Variants in NRXN3 observed in about 807,000 individuals in gnomAD.
NRXN3 encodes the protein neurexin 3, also known as neurexin III.
Under a neutral mutation model 137.6 loss-of-function variants are expected in NRXN3, and 32 were observed. The observed-to-expected ratio is 0.23, with a 90% CI of 0.18 to 0.31. The LOEUF (loss-of-function observed/expected upper bound fraction) is 0.31, where lower values mean the gene tolerates loss of function less well. NRXN3 is among the 10% of genes least tolerant of loss of function. The pLI, the probability that NRXN3 is intolerant of heterozygous loss-of-function variation, is 1.00. For missense variants in NRXN3, 1,574 were observed against 2,062.5 expected (o/e 0.76, Z 4.59); for synonymous variants, 798 against 784.5 (o/e 1.02, Z -0.29).
chr14:79,290,761 TC>T (rs1264925321), intron 15 of NRXN3, among the ~76,000 whole-genome samples: 1 of 152,066 alleles, frequency 6.6e-6, no homozygotes, highest in Non-Finnish European at 1.5e-5. Context: ...CCCAGATTTA[TC>T]ATGAGCAAGC....
chr14:78,777,257 A>G (rs2098747546), intron 8 of NRXN3, among the ~76,000 whole-genome samples: 1 of 152,196 alleles, frequency 6.6e-6, no homozygotes, highest in South Asian at 2.1e-4. Flanking sequence ...TTATTTCAGC[A>G]TGAAAAACAA....
At chr14:79,747,515 A>G (rs543201745) in intron 19 of NRXN3, among the ~76,000 whole-genome samples, 6 of 152,118 alleles carry the variant, frequency 3.9e-5, no homozygotes, top group Admixed American at 2.0e-4. Context: ...AAAATATCCT[A>G]TTGTGGAATT....
intron 15 of NRXN3, among the ~76,000 whole-genome samples, chr14:79,151,901 T>C (rs1431276807): frequency 6.6e-6 from 1 of 152,096 alleles, no homozygotes; most frequent in Non-Finnish European, 1.5e-5. Flanking sequence ...AAAATAGTGT[T>C]TTATATTTTC....
chr14:78,988,363 G>GT, intron 15 of NRXN3: 1 of 539,960 alleles, frequency 1.9e-6, no homozygotes, highest in Non-Finnish European at 3.3e-6. Flanking sequence ...CACTCCCTGT[G>GT]TTTTTTCTTT....
chr14:79,570,141 CAG>C (rs1339240144), intron 16 of NRXN3, among the ~76,000 whole-genome samples: 4 of 152,130 alleles, frequency 2.6e-5, no homozygotes, highest in African/African-American at 9.7e-5. Context: ...TAGGAGGCCT[CAG>C]AGTTTTCCAC....
chr14:79,536,177 C>G (rs1349845202), intron 16 of NRXN3, among the ~76,000 whole-genome samples: 3 of 152,130 alleles, frequency 2.0e-5, no homozygotes, highest in African/African-American at 4.8e-5. Flanking sequence ...TATGGTCTCT[C>G]CTAGAATCAT....
intron 15 of NRXN3, among the ~76,000 whole-genome samples, chr14:79,179,881 G>A (rs1409030347): frequency 6.6e-6 from 1 of 152,032 alleles, no homozygotes; most frequent in African/African-American, 2.4e-5. Context: ...GAGAGCTGGT[G>A]GTTTTTCCAA....
intron 4 of NRXN3, among the ~76,000 whole-genome samples, chr14:78,537,603 G>A (rs971024400): frequency 1.3e-5 from 2 of 152,154 alleles, no homozygotes; most frequent in African/African-American, 4.8e-5. Context: ...TGCAGAAACT[G>A]TTTGGTTTAA....
At chr14:79,243,616 C>T (rs1025411917) in intron 15 of NRXN3, among the ~76,000 whole-genome samples, 1 of 152,060 alleles carries the variant, frequency 6.6e-6, no homozygotes, top group Non-Finnish European at 1.5e-5. Context: ...TGTACTCACA[C>T]AAATCTAGAC....
intron 6 of NRXN3, among the ~76,000 whole-genome samples, chr14:78,685,631 T>G (rs2098118452): frequency 5.0e-4 from 1 of 2,006 alleles, no homozygotes; most frequent in South Asian, 0.018. Context: ...AAATGTCACT[T>G]TTTTTTTTTT....
At chr14:78,879,297 A>C (rs1389943214) in intron 10 of NRXN3, among the ~76,000 whole-genome samples, 1 of 152,166 alleles carries the variant, frequency 6.6e-6, no homozygotes, top group Non-Finnish European at 1.5e-5. Context: ...TATTTTTCAT[A>C]ATGGCTACAT....
At position 78,526,826 on chromosome 14, in the gene NRXN3, G is replaced by T. The variant is rs1051327713; in HGVS notation, c.758-118294G>T. On this transcript the variant is annotated intron_variant, in intron 4 of 20. Coordinates refer to ENST00000335750, the MANE Select transcript of NRXN3 (RefSeq NM_001330195.2). ...TGAATAAAGTCTGTGGAAGAAAGGGGATTCATATTTTCTATGCTTCCTGAT... is the reference window on the plus strand; with the variant it reads ...TGAATAAAGTCTGTGGAAGAAAGGGTATTCATATTTTCTATGCTTCCTGAT... 3 of 504,812 alleles carry T rather than the reference G, an allele frequency of 5.9e-6. 1 individual carries two copies. The Admixed American group carries it at 6.1e-5, about 10-fold the overall frequency. 31.3% of individuals were successfully genotyped at this position (504,812 alleles called of 1,614,324 possible). A position where few individuals can be genotyped will look rare whatever the true frequency, so the allele number is the denominator to read the frequency against.
chr14:78,300,696 A>G, intron 4 of NRXN3: 3 of 1,523,554 alleles, frequency 2.0e-6, no homozygotes, highest in Non-Finnish European at 2.6e-6. Flanking sequence ...GTAAAGGTAG[A>G]GCTCACTTTA....
At chr14:78,365,692 C>A (rs2085825723) in intron 4 of NRXN3, among the ~76,000 whole-genome samples, 1 of 152,158 alleles carries the variant, frequency 6.6e-6, no homozygotes, top group Non-Finnish European at 1.5e-5. Context: ...CTAATTTGCT[C>A]ATATGAGGTT....
At chr14:78,376,623 T>G (rs1254747618) in intron 4 of NRXN3, among the ~76,000 whole-genome samples, 2 of 152,186 alleles carry the variant, frequency 1.3e-5, no homozygotes, top group Non-Finnish European at 2.9e-5. Flanking sequence ...CCTCCTGTAT[T>G]CCATATCTGG....
At chr14:78,477,345 T>C (rs1217324693) in intron 4 of NRXN3, among the ~76,000 whole-genome samples, 1 of 152,214 alleles carries the variant, frequency 6.6e-6, no homozygotes, top group Non-Finnish European at 1.5e-5. Flanking sequence ...TATGCAAAGA[T>C]CAAGTGGATA....
chr14:79,600,201 C>A (rs754936726), intron 16 of NRXN3, among the ~76,000 whole-genome samples: 1 of 152,150 alleles, frequency 6.6e-6, no homozygotes, highest in Non-Finnish European at 1.5e-5. Flanking sequence ...TGATGCCATG[C>A]TGCTATGTCT....
At chr14:79,168,544 A>T (rs2061491741) in intron 15 of NRXN3, among the ~76,000 whole-genome samples, 1 of 151,972 alleles carries the variant, frequency 6.6e-6, no homozygotes, top group Admixed American at 6.6e-5. Context: ...TTTTTCTACC[A>T]TGACAATGCT....
At chr14:78,337,971 A>C (rs1410078771) in intron 4 of NRXN3, among the ~76,000 whole-genome samples, 1 of 152,140 alleles carries the variant, frequency 6.6e-6, no homozygotes, top group African/African-American at 2.4e-5. Flanking sequence ...CAGAGTACCC[A>C]GTGGGAAGGT....
Sources: allele counts gnomAD v4.1 joint callset (sites outside exome capture counted in the v4.1 genomes callset), GRCh38; gene constraint gnomAD v4.1.1; transcripts MANE v1.5; gene names NCBI Gene and HGNC (gene_info 2026-07-23, HGNC 2026-07-21).